The following PSD3 variants were observed in gnomAD, a reference collection of about 807,000 sequenced individuals.
PSD3 encodes the protein PH and SEC7 domain-containing protein 3.
PSD3 carries 49 observed loss-of-function variants against 105.5 expected under a neutral mutation model. The ratio of observed to expected loss-of-function variants is 0.46; its 90% confidence interval spans 0.37 to 0.59. The LOEUF (loss-of-function observed/expected upper bound fraction) is 0.59. PSD3 is among the 20% of genes least tolerant of loss of function. PSD3 has a pLI of 0.00. For synonymous variants in PSD3, 557 were observed against 457.8 expected (o/e 1.22, Z -2.77); for missense variants, 1,561 against 1,263.8 (o/e 1.24, Z -3.57).
chr8:18,909,970 C>T (rs1301142918), intron 2 of PSD3, among the ~76,000 whole-genome samples: 3 of 152,174 alleles, frequency 2.0e-5, no homozygotes, highest in Non-Finnish European at 4.4e-5. Flanking sequence ...AAGTGGCAGG[C>T]TGGTGCCCAA....
chr8:18,801,260 A>G lies in PSD3; in HGVS notation c.2023+10T>C. The G allele has an allele frequency of 6.8e-7, 1 of 1,464,274 alleles. No individual in the cohort carries two copies. The highest frequency in any genetic ancestry group is 9.4e-7 in the Non-Finnish European group (1 of 1,061,672). 90.7% of individuals were successfully genotyped at this position (1,464,274 alleles called of 1,614,324 possible). A position where few individuals can be genotyped will look rare whatever the true frequency, so the allele number is the denominator to read the frequency against. ...ATAAAAAAGAAATTCAAGGATTTGTATCAGATTACCTTGTGAAGCAATGGT... is the reference window on the plus strand; with the variant it reads ...ATAAAAAAGAAATTCAAGGATTTGTGTCAGATTACCTTGTGAAGCAATGGT... On this transcript the variant is annotated intron_variant, in intron 7 of 15. Transcript: ENST00000327040.
intron 1 of PSD3, among the ~76,000 whole-genome samples, chr8:18,984,117 G>C (rs1241690917): frequency 1.3e-5 from 2 of 150,744 alleles, no homozygotes; most frequent in Non-Finnish European, 3.0e-5. Context: ...GTGACAGAGA[G>C]ACACAAAGTG....
At position 18,740,170 on chromosome 8, in the gene PSD3, C is replaced by G. The variant is rs569613123; in HGVS notation, c.2172+25279G>C. 2.0e-5 allele frequency among the ~76,000 whole-genome samples: 3 copies of G among 152,274 alleles called. No homozygotes were observed. In the East Asian group the frequency reaches 5.8e-4, roughly 29 times the overall value. The stretch of plus-strand genomic sequence containing the variant: ...TAGCACGGCGTTGCTTTCCTGTCTT[C>G]TGTTCCCAGGTCTGATCTCCGACTG... On this transcript the variant is annotated intron_variant, in intron 9 of 15. Transcript: ENST00000327040.
intron 15 of PSD3, among the ~76,000 whole-genome samples, chr8:18,547,861 C>T (rs947003239): frequency 4.6e-5 from 7 of 152,162 alleles, no homozygotes; most frequent in African/African-American, 1.7e-4. Context: ...AGTATTCAGT[C>T]TTTAAATAAG....
At chr8:19,034,245 T>C (rs1415133712) in intron 1 of PSD3, among the ~76,000 whole-genome samples, 1 of 152,120 alleles carries the variant, frequency 6.6e-6, no homozygotes, top group Non-Finnish European at 1.5e-5. Flanking sequence ...ATCAATAACA[T>C]TGTGTTACAG....
chr8:18,766,131 T>G (rs1232802043), intron 8 of PSD3, among the ~76,000 whole-genome samples: 2 of 152,040 alleles, frequency 1.3e-5, no homozygotes. Context: ...GTCAAGAGTT[T>G]GAGACCAGCC....
chr8:18,806,113 T>C (rs1811171660), intron 4 of PSD3, among the ~76,000 whole-genome samples: 1 of 152,096 alleles, frequency 6.6e-6, no homozygotes, highest in Non-Finnish European at 1.5e-5. Flanking sequence ...TGAAATAAAC[T>C]GTACTGGTTT....
At chr8:18,671,709 G>A (rs1240879875) in intron 9 of PSD3, among the ~76,000 whole-genome samples, 1 of 151,570 alleles carries the variant, frequency 6.6e-6, no homozygotes, top group Non-Finnish European at 1.5e-5. Flanking sequence ...TCCGCTCACT[G>A]CAAGCTCCGC....
intron 1 of PSD3, among the ~76,000 whole-genome samples, chr8:19,047,220 T>C (rs73206423): frequency 0.13 from 20,207 of 152,128 alleles, 1,573 homozygotes; most frequent in East Asian, 0.23. Flanking sequence ...GCACTCCTGA[T>C]TTGCAAGCCT....
chr8:18,718,082 T>G (rs886176491), intron 9 of PSD3, among the ~76,000 whole-genome samples: 2 of 152,124 alleles, frequency 1.3e-5, no homozygotes, highest in Non-Finnish European at 2.9e-5. Context: ...GAAATGGAAT[T>G]AGTTTCACCC....
intron 1 of PSD3, among the ~76,000 whole-genome samples, chr8:18,982,177 G>C (rs2162427): frequency 0.98 from 149,913 of 152,352 alleles, 73,802 homozygotes; most frequent in East Asian, 1. Context: ...AAACCACTTT[G>C]TTTGTTCATT....
At chr8:19,013,704 G>A (rs979548633), upstream of PSD3, 3 of 882,734 alleles carry the variant, frequency 3.4e-6, no homozygotes, top group East Asian at 4.7e-5. Flanking sequence ...CGGGACTGCC[G>A]AGAGGCGGCG....
rs1332314782 is a variant in PSD3, at chr8:18,534,563, G to A, written c.*1180C>T. Reference sequence around the variant, plus strand: ...GTGGCTATCAAGGAGACTGAGACAAGAATAAACAAAGTCACTTTGCACCTG... The same window carrying A: ...GTGGCTATCAAGGAGACTGAGACAAAAATAAACAAAGTCACTTTGCACCTG... On this transcript the variant is annotated 3_prime_UTR_variant, in exon 16 of 16. Coordinates refer to ENST00000327040, the MANE Select transcript of PSD3 (RefSeq NM_015310.4). 2 of 152,222 alleles carry A rather than the reference G, an allele frequency of 1.3e-5. No homozygotes were observed. Among genetic ancestry groups the A allele is most frequent in the Non-Finnish European group, 1.5e-5 (1 of 68,030 alleles). 9.4% of individuals were successfully genotyped at this position (152,222 alleles called of 1,614,324 possible). A position where few individuals can be genotyped will look rare whatever the true frequency, so the allele number is the denominator to read the frequency against.
chr8:18,713,706 CAA>C (rs1238388999), intron 9 of PSD3, among the ~76,000 whole-genome samples: 1 of 152,130 alleles, frequency 6.6e-6, no homozygotes, highest in Non-Finnish European at 1.5e-5. Context: ...CCATACTGCC[CAA>C]AATAATTTAT....
chr8:19,067,075 A>G (rs1250180369), intron 1 of PSD3, among the ~76,000 whole-genome samples: 1 of 152,202 alleles, frequency 6.6e-6, no homozygotes, highest in Non-Finnish European at 1.5e-5. Flanking sequence ...AGTGAAAGCT[A>G]TTTACCAAAG....
At chr8:18,809,306 T>C (rs1181296075) in intron 4 of PSD3, among the ~76,000 whole-genome samples, 7 of 152,118 alleles carry the variant, frequency 4.6e-5, no homozygotes, top group Admixed American at 3.9e-4. Flanking sequence ...TCCCAAAAGG[T>C]TCTCCCTGTG....
intron 8 of PSD3, among the ~76,000 whole-genome samples, chr8:18,780,902 T>C (rs910199054): frequency 3.9e-5 from 6 of 152,336 alleles, no homozygotes; most frequent in East Asian, 1.9e-4. Flanking sequence ...TATTGTCCTT[T>C]ATCTTCTAAA....
chr8:19,080,431 G>C (rs1304633746), intron 1 of PSD3, among the ~76,000 whole-genome samples: 6 of 152,314 alleles, frequency 3.9e-5, no homozygotes, highest in African/African-American at 1.2e-4. Context: ...GTACTTCATA[G>C]ATTTACATTT....
chr8:19,017,555 C>T (rs1827217210), upstream of PSD3, among the ~76,000 whole-genome samples: 2 of 152,220 alleles, frequency 1.3e-5, no homozygotes, highest in Admixed American at 6.5e-5. Context: ...TTGGCGGTCG[C>T]TCCTCTTTTC....
Sources: allele counts gnomAD v4.1 joint callset (sites outside exome capture counted in the v4.1 genomes callset), GRCh38; gene constraint gnomAD v4.1.1; transcripts MANE v1.5; gene names NCBI Gene and HGNC (gene_info 2026-07-23, HGNC 2026-07-21).